Variants in PTK2 observed in about 807,000 individuals in gnomAD.
The protein encoded by PTK2 is protein tyrosine kinase 2.
In PTK2, 45 loss-of-function variants were observed where a neutral mutation model predicts 150.1. The ratio of observed to expected loss-of-function variants is 0.30; its 90% CI spans 0.24 to 0.38. The LOEUF (loss-of-function observed/expected upper bound fraction) is 0.38. Among genes scored for constraint, PTK2 ranks in the 10% least tolerant of loss-of-function variants. PTK2 has a pLI of 1.00. For synonymous variants in PTK2, 432 were observed against 449.2 expected, an observed-to-expected ratio of 0.96 and a Z score of 0.48; for missense variants, 919 against 1,307.3, an observed-to-expected ratio of 0.70 and a Z score of 4.58.
At chr8:140,787,138 G>A (rs2100085435) in intron 14 of PTK2, among the ~76,000 whole-genome samples, 1 of 152,148 alleles carries the variant, frequency 6.6e-6, no homozygotes, top group African/African-American at 2.4e-5. Flanking sequence ...CAATCTAAGA[G>A]CATGGAGAAG....
chr8:140,763,123 A>T lies in PTK2; in HGVS notation c.1234+1111T>A, dbSNP rs796917805. ...AACATTTTTCCAAACTGATACTGGC[A>T]ATCAAAATGTACACACAAGTTTCAG... On this transcript the variant is annotated intron_variant, in intron 15 of 31. Coordinates refer to ENST00000522684, the Ensembl canonical transcript of PTK2. Among the ~76,000 whole-genome samples the T allele has an allele frequency of 3.3e-4, 50 of 152,330 alleles. 1 individual carries two copies. The highest frequency in any genetic ancestry group is 1.1e-3 in the African/African-American group (45 of 41,570).
At chr8:140,705,422 A>T (rs1474284579) in intron 24 of PTK2, among the ~76,000 whole-genome samples, 2 of 152,224 alleles carry the variant, frequency 1.3e-5, no homozygotes, top group Admixed American at 1.3e-4. Context: ...TAGAACAGGC[A>T]GAAACCTCTG....
At chr8:140,758,095 C>A (rs2100066949) in intron 16 of PTK2, among the ~76,000 whole-genome samples, 1 of 151,886 alleles carries the variant, frequency 6.6e-6, no homozygotes, top group Admixed American at 6.6e-5. Context: ...TGTACTCCTA[C>A]TTATTTATTT....
chr8:140,962,697 C>T (rs1587680923), intron 1 of PTK2, among the ~76,000 whole-genome samples: 1 of 151,888 alleles, frequency 6.6e-6, no homozygotes, highest in African/African-American at 2.4e-5. Context: ...CAGAGAATGG[C>T]GTGAATCGGG....
intron 29 of PTK2, among the ~76,000 whole-genome samples, chr8:140,671,759 CAA>C (rs35706231): frequency 0.024 from 2,278 of 94,120 alleles, 65 homozygotes; most frequent in African/African-American, 0.068. Context: ...TAAAAATACC[CAA>C]AAAAAAAAAA....
rs182045432 is a variant in PTK2, at chr8:140,908,101, A to T, written c.-32-17332T>A. ...GTGAATGCAAAGGAAAAGTCACTGA[A>T]GGAAATACAAATGCTACTCCACTGA... On this transcript the variant is annotated intron_variant, in intron 2 of 31. Transcript: ENST00000522684. Among the ~76,000 whole-genome samples the T allele has an allele frequency of 2.0e-5, 3 of 152,334 alleles. No homozygotes were observed. In the East Asian group the frequency reaches 5.8e-4, roughly 29 times the overall value.
At chr8:140,721,000 G>A (rs1475161200) in intron 22 of PTK2, among the ~76,000 whole-genome samples, 4 of 151,712 alleles carry the variant, frequency 2.6e-5, no homozygotes, top group South Asian at 2.1e-4. Context: ...CAAGTGATCC[G>A]CCCGCCTTGG....
At chr8:140,745,955 G>A (rs2100058444) in intron 18 of PTK2, among the ~76,000 whole-genome samples, 2 of 150,474 alleles carry the variant, frequency 1.3e-5, no homozygotes, top group Non-Finnish European at 1.5e-5. Flanking sequence ...GGCTGAGATC[G>A]CGCCATTGCA....
intron 14 of PTK2, 146 bp from the exon 17 acceptor site, chr8:140,764,436 C>T (rs2100071166): frequency 1.6e-6 from 1 of 628,488 alleles, no homozygotes; most frequent in Non-Finnish European, 2.8e-6. Flanking sequence ...ATTTTGCTCA[C>T]ACATGAGTCA....
intron 16 of PTK2, among the ~76,000 whole-genome samples, chr8:140,754,887 G>A (rs893604017): frequency 2.6e-5 from 4 of 152,180 alleles, no homozygotes; most frequent in African/African-American, 9.7e-5. Flanking sequence ...ACCAGAACGT[G>A]TGCAAAGGGT....
At chr8:140,929,773 TTCTC>T (rs1437247498) in intron 1 of PTK2, among the ~76,000 whole-genome samples, 1 of 152,116 alleles carries the variant, frequency 6.6e-6, no homozygotes, top group Non-Finnish European at 1.5e-5. Flanking sequence ...TTTTTTAACT[TTCTC>T]TCCATAACTT....
At chr8:140,769,634 C>CAGAGGGAGGGAGACATAGGAAGGAGA in intron 14 of PTK2, 42 bp from the exon 16 acceptor site, 2 of 1,319,592 alleles carry the variant, frequency 1.5e-6, no homozygotes, top group South Asian at 2.4e-5. Flanking sequence ...AAGTAGGGAA[C>CAGAGGGAGGGAGACATAGGAAGGAGA]AGAGGGAGGG....
intron 27 of PTK2, among the ~76,000 whole-genome samples, chr8:140,681,746 C>T (rs1167508693): frequency 6.6e-6 from 1 of 152,200 alleles, no homozygotes; most frequent in Admixed American, 6.5e-5. Flanking sequence ...CACTGCACTC[C>T]AGCCTGGGCC....
intron 14 of PTK2, among the ~76,000 whole-genome samples, chr8:140,767,778 AG>A (rs1329864078): frequency 1.3e-5 from 2 of 152,170 alleles, no homozygotes; most frequent in Admixed American, 6.5e-5. Flanking sequence ...AGCCTTCCCA[AG>A]AATTCTTGAC....
At chr8:140,815,433 G>A (rs904312290) in intron 10 of PTK2, among the ~76,000 whole-genome samples, 1 of 152,108 alleles carries the variant, frequency 6.6e-6, no homozygotes, top group Non-Finnish European at 1.5e-5. Context: ...GGTAAAAGTG[G>A]GGAGGGGATT....
intron 2 of PTK2, among the ~76,000 whole-genome samples, chr8:140,924,345 T>A (rs977791966): frequency 6.6e-6 from 1 of 152,212 alleles, no homozygotes; most frequent in Non-Finnish European, 1.5e-5. Flanking sequence ...CCCACAGCAC[T>A]TATACCTTCT....
intron 1 of PTK2, among the ~76,000 whole-genome samples, chr8:140,971,725 G>A (rs752748408): frequency 9.2e-5 from 14 of 152,128 alleles, no homozygotes; most frequent in Admixed American, 2.6e-4. Context: ...TATACTTCTC[G>A]TATGTGAAAG....
At chr8:140,763,635 G>A (rs1018358901) in intron 15 of PTK2, among the ~76,000 whole-genome samples, 1 of 152,082 alleles carries the variant, frequency 6.6e-6, no homozygotes, top group Admixed American at 6.6e-5. Flanking sequence ...ACATCACAGA[G>A]AGAAGCAGAA....
chr8:140,722,222 C>T (rs1271169618), intron 22 of PTK2, among the ~76,000 whole-genome samples: 2 of 152,180 alleles, frequency 1.3e-5, no homozygotes, highest in Non-Finnish European at 2.9e-5. Context: ...ATCCCCCTGC[C>T]CTGGCCTCCC....
Sources: gnomAD v4.1 joint callset for allele counts (sites outside exome capture counted in the v4.1 genomes callset) on GRCh38, gnomAD v4.1.1 for gene constraint, MANE v1.5 for transcripts, NCBI Gene and HGNC (gene_info 2026-07-23, HGNC 2026-07-21) for gene names.